The following SPA17 variants were observed in gnomAD, a reference collection of about 807,000 sequenced individuals.
SPA17 encodes the protein sperm autoantigenic protein 17.
A neutral mutation model predicts 13.8 loss-of-function variants in SPA17; 7 were observed. The observed-to-expected ratio is 0.51, with a 90% CI of 0.29 to 0.95. The LOEUF is 0.95. SPA17 is among the 40% of genes least tolerant of loss of function. The probability of loss-of-function intolerance (pLI) is 0.08; values close to 1 mark genes in which losing one functional copy is unlikely to be tolerated. For synonymous variants in SPA17, 61 were observed against 59.0 expected (o/e 1.03, Z -0.16); for missense variants, 170 against 179.3 (o/e 0.95, Z 0.30).
chr11:124,688,731 A>G (rs189834332), intron 3 of SPA17, among the ~76,000 whole-genome samples: 2 of 152,342 alleles, frequency 1.3e-5, no homozygotes, highest in Admixed American at 6.5e-5. Context: ...GAGAAAAACA[A>G]TCCTAAAATT....
chr11:124,678,570 G>C (rs1565423251), intron 2 of SPA17, among the ~76,000 whole-genome samples: 1 of 151,794 alleles, frequency 6.6e-6, no homozygotes, highest in Non-Finnish European at 1.5e-5. Flanking sequence ...ATTTGCCACA[G>C]GGTTTGGCTC....
chr11:124,690,961 A>G (rs903309302), intron 3 of SPA17, among the ~76,000 whole-genome samples: 5 of 150,890 alleles, frequency 3.3e-5, no homozygotes, highest in Admixed American at 1.3e-4. Flanking sequence ...CTCATGTTTT[A>G]TTTGTATTCA....
intron 2 of SPA17, among the ~76,000 whole-genome samples, chr11:124,678,226 C>A (rs1943492402): frequency 6.6e-6 from 1 of 151,746 alleles, no homozygotes; most frequent in Admixed American, 6.6e-5. Flanking sequence ...TAGCTGTTTT[C>A]AAAAATGAGA....
intron 3 of SPA17, among the ~76,000 whole-genome samples, chr11:124,687,639 G>A (rs112329470): frequency 1.2e-4 from 19 of 152,218 alleles, no homozygotes; most frequent in African/African-American, 4.3e-4. Context: ...ATGCAAGGAT[G>A]GTTCAACATA....
intron 3 of SPA17, among the ~76,000 whole-genome samples, chr11:124,682,531 T>G (rs568702987): frequency 7.9e-5 from 12 of 152,022 alleles, no homozygotes; most frequent in East Asian, 3.9e-4. Context: ...TTTTACAAGG[T>G]GATAGATTTT....
Position 124,696,630 on chromosome 11 carries a change from T to C in SPA17, c.*2184T>C, listed in dbSNP as rs1216734541. On this transcript the variant is annotated 3_prime_UTR_variant, in exon 5 of 5. Transcript: ENST00000227135. ...TTATCTGGTTTTCCTCTTATCTCTC[T>C]GGCTGTTCCTTCTCAATTCCCTTCA... The C allele has an allele frequency of 6.6e-6, 1 of 152,220 alleles. No individual in the cohort carries two copies. Among genetic ancestry groups the C allele is most frequent in the Non-Finnish European group, 1.5e-5 (1 of 68,062 alleles). The allele number at this position is 152,220 out of a possible 1,614,324, so 9.4% of individuals were successfully genotyped here.
chr11:124,690,942 T>G (rs1943618419), intron 3 of SPA17, among the ~76,000 whole-genome samples: 1 of 152,176 alleles, frequency 6.6e-6, no homozygotes, highest in African/African-American at 2.4e-5. Context: ...TTTTACTAGA[T>G]TCTCTGTGCT....
rs903987334 is a variant in SPA17, at chr11:124,694,519, T to C, written c.*73T>C. 2.8e-5 allele frequency: 43 copies of C among 1,521,456 alleles called. No individual in the cohort carries two copies. Among genetic ancestry groups the C allele is most frequent in the Middle Eastern group, 1.8e-4 (1 of 5,542 alleles). 94.2% of individuals were successfully genotyped at this position (1,521,456 alleles called of 1,614,324 possible). Reference sequence around the variant, plus strand: ...TCAACCTTCTTATTAATGTCATTTCTTCCTGAGGAAGGAAGATTTGATGTT... The same window carrying C: ...TCAACCTTCTTATTAATGTCATTTCCTCCTGAGGAAGGAAGATTTGATGTT... On this transcript the variant is annotated 3_prime_UTR_variant, in exon 5 of 5. Transcript: ENST00000227135.
intron 3 of SPA17, 97 bp from the exon 4 acceptor site, chr11:124,691,599 T>TA (rs935962067): frequency 2.3e-5 from 13 of 557,038 alleles, no homozygotes; most frequent in Non-Finnish European, 3.6e-5. Context: ...TATTTCTCAG[T>TA]AATTTAAAGT....
intron 3 of SPA17, among the ~76,000 whole-genome samples, chr11:124,688,692 C>T (rs767681848): frequency 2.6e-5 from 4 of 152,190 alleles, no homozygotes; most frequent in Non-Finnish European, 5.9e-5. Flanking sequence ...CTGTCCCTAT[C>T]AAAGCACCAA....
At position 124,696,099 on chromosome 11, in the gene SPA17, A is replaced by G. The variant is rs1265962984; in HGVS notation, c.*1653A>G. 4.6e-5 allele frequency: 7 copies of G among 152,234 alleles called. No individual in the cohort carries two copies. The highest frequency in any genetic ancestry group is 4.6e-4 in the Admixed American group (7 of 15,278). The allele number at this position is 152,234 out of a possible 1,614,324, so 9.4% of individuals were successfully genotyped here. On this transcript the variant is annotated 3_prime_UTR_variant, in exon 5 of 5. Transcript: ENST00000227135. Reference sequence around the variant, plus strand: ...TTTCTCCTTCCAAAATCTTGCTGCCACTGTAGAGAGTTTCATGCTAGCTAA... The same window carrying G: ...TTTCTCCTTCCAAAATCTTGCTGCCGCTGTAGAGAGTTTCATGCTAGCTAA...
chr11:124,695,393 A>G lies in SPA17; in HGVS notation c.*947A>G, dbSNP rs765133936. The G allele has an allele frequency of 6.6e-6, 1 of 152,120 alleles. No homozygotes were observed. Among genetic ancestry groups the G allele is most frequent in the Non-Finnish European group, 1.5e-5 (1 of 68,040 alleles). The allele number at this position is 152,120 out of a possible 1,614,324, so 9.4% of individuals were successfully genotyped here. A position where few individuals can be genotyped will look rare whatever the true frequency, so the allele number is the denominator to read the frequency against. On this transcript the variant is annotated 3_prime_UTR_variant, in exon 5 of 5. Transcript: ENST00000227135. ...GTTAAAACTTCCCAAGTTTTTAAAT[A>G]TACAATGGTAATGCCTGTTTAACAA... is the stretch of plus-strand genomic sequence containing the variant.
At chr11:124,686,116 C>G (rs1943575499) in intron 3 of SPA17, among the ~76,000 whole-genome samples, 1 of 138,426 alleles carries the variant, frequency 7.2e-6, no homozygotes. Context: ...TCACCCAAAT[C>G]TCATCTTGAA....
intron 3 of SPA17, among the ~76,000 whole-genome samples, chr11:124,688,795 A>G (rs960267132): frequency 5.3e-5 from 8 of 152,256 alleles, no homozygotes; most frequent in African/African-American, 1.9e-4. Flanking sequence ...AACAGGAAGA[A>G]CAAAACTGGA....
chr11:124,692,697 G>A (rs1248659791), intron 4 of SPA17, among the ~76,000 whole-genome samples: 1 of 152,192 alleles, frequency 6.6e-6, no homozygotes, highest in South Asian at 2.1e-4. Flanking sequence ...GGCAAACACT[G>A]CAAATCAGGG....
At position 124,690,475 on chromosome 11, in the gene SPA17, G is replaced by A. The variant is rs548450618; in HGVS notation, c.226-1221G>A. 3.9e-5 allele frequency among the ~76,000 whole-genome samples: 6 copies of A among 152,300 alleles called. No homozygotes were observed. In the East Asian group the frequency reaches 9.6e-4, roughly 24 times the overall value. On this transcript the variant is annotated intron_variant, in intron 3 of 4. Coordinates refer to ENST00000227135, the MANE Select transcript of SPA17 (RefSeq NM_017425.4). Reference sequence around the variant, plus strand: ...TGGAGACTCAGAAGAGTGAGGAGAGGTGGGAGAAAGGAGAATAATGAGAAA... The same window carrying A: ...TGGAGACTCAGAAGAGTGAGGAGAGATGGGAGAAAGGAGAATAATGAGAAA...
chr11:124,675,824 CAAT>C, intron 2 of SPA17: 1 of 157,386 alleles, frequency 6.4e-6, no homozygotes, highest in South Asian at 1.9e-4. Context: ...GGTTTCCTTT[CAAT>C]TTTGATTCCT....
intron 4 of SPA17, among the ~76,000 whole-genome samples, chr11:124,693,076 G>A (rs946380310): frequency 9.2e-5 from 14 of 152,186 alleles, no homozygotes; most frequent in African/African-American, 3.4e-4. Context: ...GAAGAAGGGA[G>A]TTTTATTTCC....
At chr11:124,693,778 G>A (rs1943646286) in intron 4 of SPA17, among the ~76,000 whole-genome samples, 1 of 152,114 alleles carries the variant, frequency 6.6e-6, no homozygotes, top group African/African-American at 2.4e-5. Context: ...AAGAGGGTAT[G>A]TGCCAAAGTT....
Sources: gnomAD v4.1 joint callset for allele counts (sites outside exome capture counted in the v4.1 genomes callset) on GRCh38, gnomAD v4.1.1 for gene constraint, MANE v1.5 for transcripts, NCBI Gene and HGNC (gene_info 2026-07-23, HGNC 2026-07-21) for gene names.